Variants in CNOT3 observed in about 807,000 individuals in gnomAD.
CNOT3 encodes CCR4-NOT transcription complex subunit 3.
Under a neutral mutation model 89.4 loss-of-function variants are expected in CNOT3, and 2 were observed. That is an observed-to-expected ratio of 0.02 (90% CI 0.01 to 0.07). CNOT3 has a LOEUF of 0.07. CNOT3 is among the 10% of genes least tolerant of loss of function. The probability of loss-of-function intolerance (pLI) is 1.00; values close to 1 mark genes in which losing one functional copy is unlikely to be tolerated. For synonymous variants in CNOT3, 486 were observed against 402.0 expected (o/e 1.21, Z -2.50); for missense variants, 664 against 1,010.2 (o/e 0.66, Z 4.65).
At chr19:54,155,094 G>A (rs151039960) in intron 17 of CNOT3, 28 of 584,538 alleles carry the variant, frequency 4.8e-5, no homozygotes, top group African/African-American at 3.8e-4. Context: ...GAACCTCTGC[G>A]GCCCCCTCCG....
intron 1 of CNOT3, among the ~76,000 whole-genome samples, chr19:54,140,811 T>C (rs2146538011): frequency 6.6e-6 from 1 of 152,272 alleles, no homozygotes; most frequent in South Asian, 2.1e-4. Context: ...CTTCCTTCTC[T>C]TGCTGCCACA....
At chr19:54,143,315 G>A in intron 3 of CNOT3, 127 bp from the exon 4 acceptor site, 2 of 987,376 alleles carry the variant, frequency 2.0e-6, no homozygotes, top group Non-Finnish European at 3.1e-6. Context: ...AAGAGAATCA[G>A]CTCTAAGATG....
chr19:54,145,493 T>C lies in CNOT3; in HGVS notation c.484-105T>C. The C allele has an allele frequency of 1.3e-6, 1 of 763,076 alleles. No homozygotes were observed. Among genetic ancestry groups the C allele is most frequent in the Non-Finnish European group, 2.3e-6 (1 of 441,036 alleles). 47.3% of individuals were successfully genotyped at this position (763,076 alleles called of 1,614,324 possible). ...CCCCGAAGGGGATGGCGTGGAGGCT[T>C]TGGGTCTCCACAGGGGTCAGGGACT... On this transcript the variant is annotated intron_variant, in intron 7 of 17. Transcript: ENST00000221232. The surrounding 1 kb of genome is among the most constrained non-coding windows in gnomAD (Gnocchi z 5.9).
Position 54,145,964 on chromosome 19 carries a change from T to G in CNOT3, c.758T>G (p.Ile253Ser). 1 of 1,613,830 alleles carries G rather than the reference T, an allele frequency of 6.2e-7. No homozygotes were observed. The highest frequency in any genetic ancestry group is 8.5e-7 in the Non-Finnish European group (1 of 1,179,920). Residue 253 changes from isoleucine (I) to serine (S), a missense_variant, in exon 9 of 18, where the codon ATC (isoleucine) becomes AGC (serine). By Grantham distance (142) the Ile-to-Ser change is moderately radical (BLOSUM62 -2). Around this residue, in one of 8 missense-constraint regions of CNOT3, gnomAD observed 545 missense variants for 566.2 expected, o/e 0.96. Coordinates refer to ENST00000221232, the MANE Select transcript of CNOT3 (RefSeq NM_014516.4). The surrounding 1 kb of genome is among the most constrained non-coding windows in gnomAD (Gnocchi z 5.9). ...PPSHSHMEDEIFNQSSSTPTS... is the reference protein window; with the variant it reads ...PPSHSHMEDESFNQSSSTPTS... ...AGCCACAGCCACATGGAGGATGAGA[T>G]CTTCAACCAGTCCAGCAGCACGCCC... is the stretch of plus-strand genomic sequence containing the variant.
At position 54,144,632 on chromosome 19, in the gene CNOT3, A is replaced by G. The variant is rs1296627799; in HGVS notation, c.483+300A>G. Reference sequence around the variant, plus strand: ...TGAGTGCAGGTTGAGCTTGGGCCACAGAGTAAAAGTGAGACCTGAAGGACA... The same window carrying G: ...TGAGTGCAGGTTGAGCTTGGGCCACGGAGTAAAAGTGAGACCTGAAGGACA... On this transcript the variant is annotated intron_variant, in intron 7 of 17. Transcript: ENST00000221232. The surrounding 1 kb of genome is among the most constrained non-coding windows in gnomAD (Gnocchi z 4.8). 1.3e-5 allele frequency among the ~76,000 whole-genome samples: 2 copies of G among 152,158 alleles called. No individual in the cohort carries two copies.
At chr19:54,138,576 C>G (rs1024051121) in intron 1 of CNOT3, among the ~76,000 whole-genome samples, 2 of 152,174 alleles carry the variant, frequency 1.3e-5, no homozygotes, top group Non-Finnish European at 2.9e-5. Context: ...ACCGAGGCCG[C>G]CCTCCGCATC....
chr19:54,149,775 T>C lies in CNOT3; in HGVS notation c.1605+17T>C, dbSNP rs1409263153. The C allele has an allele frequency of 1.9e-6, 3 of 1,577,086 alleles. No individual in the cohort carries two copies. Among genetic ancestry groups the C allele is most frequent in the East Asian group, 2.4e-5 (1 of 42,052 alleles). ...GAAATCAAGGTGGGCTCCTCGGACA[T>C]CCCCCGAGCCTCTGTGTCCTGACTC... is the stretch of plus-strand genomic sequence containing the variant. On this transcript the variant is annotated intron_variant, in intron 13 of 17. Transcript: ENST00000221232.
chr19:54,155,600 C>G lies in CNOT3; in HGVS notation c.*193C>G, dbSNP rs2075361844. The G allele has an allele frequency of 2.7e-6, 3 of 1,128,240 alleles. No homozygotes were observed. Among genetic ancestry groups the G allele is most frequent in the Non-Finnish European group, 3.8e-6 (3 of 797,866 alleles). 69.9% of individuals were successfully genotyped at this position (1,128,240 alleles called of 1,614,324 possible). On this transcript the variant is annotated 3_prime_UTR_variant, in exon 18 of 18. Coordinates refer to ENST00000221232, the MANE Select transcript of CNOT3 (RefSeq NM_014516.4). ...GGCCCGGGGGCGAGGGCTGCCCCCT[C>G]CTCCCCTCCCCAGTGAGGGACATTT...
At chr19:54,150,687 C>T (rs779455317) in intron 13 of CNOT3, among the ~76,000 whole-genome samples, 11 of 134,736 alleles carry the variant, frequency 8.2e-5, no homozygotes, top group South Asian at 2.3e-4. Context: ...ATCTGGGAAA[C>T]GGCAATAGTC....
At chr19:54,141,496 T>C (rs1275064708) in intron 1 of CNOT3, 1 of 152,206 alleles carries the variant, frequency 6.6e-6, no homozygotes, top group African/African-American at 2.4e-5. Flanking sequence ...ATGTGGTGAT[T>C]AGTAACTAGT....
At position 54,153,831 on chromosome 19, in the gene CNOT3, G is replaced by A. The variant is rs2075274556; in HGVS notation, c.2154G>A (p.Glu718=). ...RHEEPKTITD[E]FEQGTYIYFD... Reference sequence around the variant, plus strand: ...AGGAGCCCAAGACCATCACTGACGAGTTTGAGCAGGTGAGGGCCCCGCCCC... The same window carrying A: ...AGGAGCCCAAGACCATCACTGACGAATTTGAGCAGGTGAGGGCCCCGCCCC... The change falls in exon 17 of 18, where the codon GAG becomes GAA. Residue 718 remains glutamate (E), a synonymous_variant. Coordinates refer to ENST00000221232, the MANE Select transcript of CNOT3 (RefSeq NM_014516.4). 6.2e-7 allele frequency: 1 copy of A among 1,614,104 alleles called. No homozygotes were observed. The highest frequency in any genetic ancestry group is 8.5e-7 in the Non-Finnish European group (1 of 1,180,044).
At position 54,145,930 on chromosome 19, in the gene CNOT3, T is replaced by TC. The variant is rs753475896; in HGVS notation, c.732dup (p.Ser245GlnfsTer8). ...CACAGCACAGGCGCTGGTCGCCACC[T>TC]CCCCCCCCAGCCACAGCCACATGGA... is the stretch of plus-strand genomic sequence containing the variant. On this transcript the variant is annotated frameshift_variant, in exon 9 of 18. Transcript: ENST00000221232. LOFTEE classifies it high-confidence loss of function. The surrounding 1 kb of genome is among the most constrained non-coding windows in gnomAD (Gnocchi z 5.9). 61 of 1,607,528 alleles carry TC rather than the reference T, an allele frequency of 3.8e-5. No homozygotes were observed. Among genetic ancestry groups the TC allele is most frequent in the Non-Finnish European group, 4.2e-6 (5 of 1,177,854 alleles).
intron 16 of CNOT3, 194 bp from the exon 17 acceptor site, chr19:54,153,521 C>T (rs1379165253): frequency 1.3e-6 from 1 of 778,754 alleles, no homozygotes; most frequent in Non-Finnish European, 2.4e-6. Flanking sequence ...ATTTTCACCT[C>T]CTGTCTCATT....
intron 17 of CNOT3, chr19:54,154,133 C>T: frequency 1.6e-6 from 1 of 645,126 alleles, no homozygotes; most frequent in Admixed American, 2.1e-5. Context: ...GTGCTGGGCA[C>T]ACTCGCCTGG....
chr19:54,149,054 G>A (rs1359639682), intron 12 of CNOT3, among the ~76,000 whole-genome samples: 3 of 152,170 alleles, frequency 2.0e-5, no homozygotes, highest in South Asian at 2.1e-4. Flanking sequence ...GACTGCCACC[G>A]GAGGGTCACT....
At chr19:54,140,913 G>T (rs2074423696) in intron 1 of CNOT3, among the ~76,000 whole-genome samples, 1 of 152,208 alleles carries the variant, frequency 6.6e-6, no homozygotes, top group Non-Finnish European at 1.5e-5. Context: ...CCTGCCTAAG[G>T]TGTTGATTGC....
chr19:54,138,744 C>T (rs587627525), intron 1 of CNOT3, among the ~76,000 whole-genome samples: 2 of 152,332 alleles, frequency 1.3e-5, no homozygotes, highest in South Asian at 4.1e-4. Context: ...TGCAGCTCTT[C>T]CCTCTCATAG....
chr19:54,146,153 G>C (rs587633300), intron 9 of CNOT3, 110 bp downstream of exon 9: 1 of 1,178,414 alleles, frequency 8.5e-7, no homozygotes, highest in South Asian at 1.4e-5. Context: ...AGGAAACACA[G>C]ATCTAGGTAT....
At position 54,145,397 on chromosome 19, in the gene CNOT3, G is replaced by C. The variant is rs2074621640; in HGVS notation, c.484-201G>C. The stretch of plus-strand genomic sequence containing the variant: ...GTGTGGGGAGAGGAGGGAGCAGTGG[G>C]ATCCCAAGATGTCAAGGCTAAGATT... On this transcript the variant is annotated intron_variant, in intron 7 of 17. Coordinates refer to ENST00000221232, the MANE Select transcript of CNOT3 (RefSeq NM_014516.4). The surrounding 1 kb of genome is among the most constrained non-coding windows in gnomAD (Gnocchi z 5.9). 1.7e-6 allele frequency: 1 copy of C among 598,218 alleles called. No individual in the cohort carries two copies. The highest frequency in any genetic ancestry group is 3.0e-6 in the Non-Finnish European group (1 of 335,200). The allele number at this position is 598,218 out of a possible 1,614,324, so 37.1% of individuals were successfully genotyped here.
Sources: gnomAD v4.1 joint callset for allele counts (sites outside exome capture counted in the v4.1 genomes callset) on GRCh38, gnomAD v4.1.1 for gene constraint, gnomAD v4.1.1 regional missense constraint, Gnocchi (gnomAD v3.1) non-coding constraint, MANE v1.5 for transcripts, NCBI Gene and HGNC (gene_info 2026-07-23, HGNC 2026-07-21) for gene names.